Variants in KLHDC10 observed in about 807,000 individuals in gnomAD.
KLHDC10 encodes kelch domain-containing protein 10.
A neutral mutation model predicts 56.1 loss-of-function variants in KLHDC10; 24 were observed. The ratio of observed to expected loss-of-function variants is 0.43; its 90% confidence interval spans 0.31 to 0.60. KLHDC10 has a LOEUF of 0.60. Among genes scored for constraint, KLHDC10 ranks in the 20% least tolerant of loss-of-function variants. KLHDC10 has a pLI of 0.11. For synonymous variants in KLHDC10, 188 were observed against 207.1 expected, an observed-to-expected ratio of 0.91 and a Z score of 0.79; for missense variants, 349 against 567.0, an observed-to-expected ratio of 0.62 and a Z score of 3.91.
At chr7:130,071,911 C>T (rs920769877) in intron 1 of KLHDC10, among the ~76,000 whole-genome samples, 1 of 152,100 alleles carries the variant, frequency 6.6e-6, no homozygotes, top group Non-Finnish European at 1.5e-5. Flanking sequence ...GGGAATTTAG[C>T]ACATTTAATG....
chr7:130,129,861 C>T (rs1584642596), intron 9 of KLHDC10, among the ~76,000 whole-genome samples: 1 of 152,098 alleles, frequency 6.6e-6, no homozygotes, highest in African/African-American at 2.4e-5. Context: ...AATAGTTTTA[C>T]CCCCTTGATA....
At position 130,128,889 on chromosome 7, in the gene KLHDC10, A is replaced by AAAAAAAAAT; in HGVS notation, c.980-547_980-546insAAAAAAATA. ...ACCTTGTCTCTTAAAAAAAAAAAAA[A>AAAAAAAAAT]ATATATATATATATATATATATATA... On this transcript the variant is annotated intron_variant, in intron 8 of 9. Transcript: ENST00000335420. Among the ~76,000 whole-genome samples, 18 of 66,954 alleles carry AAAAAAAAAT rather than the reference A, an allele frequency of 2.7e-4. 1 individual carries two copies. Among genetic ancestry groups the AAAAAAAAAT allele is most frequent in the African/African-American group, 8.8e-4 (12 of 13,632 alleles). The allele number at this position is 66,954 out of a possible 152,430, so 43.9% of individuals were successfully genotyped here. A position where few individuals can be genotyped will look rare whatever the true frequency, so the allele number is the denominator to read the frequency against.
rs1796456974 is a variant in KLHDC10 at position 130,135,165 on chromosome 7, G to C, written c.*4419G>C. ...CTGCTTAGTCAGTGTACAGGGTGGA[G>C]TCAGAGGCAGTTTTCAGAAAAAAAC... On this transcript the variant is annotated 3_prime_UTR_variant, in exon 10 of 10. Coordinates refer to ENST00000335420, the MANE Select transcript of KLHDC10 (RefSeq NM_014997.4). 1 of 136,390 alleles carries C rather than the reference G, an allele frequency of 7.3e-6. No individual in the cohort carries two copies. Among genetic ancestry groups the C allele is most frequent in the Admixed American group, 7.5e-5 (1 of 13,340 alleles). The allele number at this position is 136,390 out of a possible 1,614,324, so 8.4% of individuals were successfully genotyped here.
At chr7:130,090,767 C>CGTGTGT (rs57061414) in intron 1 of KLHDC10, among the ~76,000 whole-genome samples, 24,858 of 148,058 alleles carry the variant, frequency 0.17, 2,254 homozygotes, top group East Asian at 0.34. Flanking sequence ...TACACATACT[C>CGTGTGT]GTGTGTGTGT....
At position 130,134,317 on chromosome 7, in the gene KLHDC10, T is replaced by C. The variant is rs1435121880; in HGVS notation, c.*3571T>C. On this transcript the variant is annotated 3_prime_UTR_variant, in exon 10 of 10. Transcript: ENST00000335420. ...ATTAGTCAGGCTGAACAATTAGAGT[T>C]GAATGCTGAAATTAGGAACCACAGG... The C allele has an allele frequency of 1.3e-5, 2 of 152,180 alleles. No homozygotes were observed. Among genetic ancestry groups the C allele is most frequent in the African/African-American group, 4.8e-5 (2 of 41,440 alleles). The allele number at this position is 152,180 out of a possible 1,614,324, so 9.4% of individuals were successfully genotyped here. A position where few individuals can be genotyped will look rare whatever the true frequency, so the allele number is the denominator to read the frequency against.
At chr7:130,115,374 T>C (rs7788741) in intron 2 of KLHDC10, among the ~76,000 whole-genome samples, 73,369 of 151,822 alleles carry the variant, frequency 0.48, 18,312 homozygotes, top group African/African-American at 0.6. Flanking sequence ...TAAAGTTTTT[T>C]GTTTTTTGTT....
At chr7:130,080,818 G>A (rs777923312) in intron 1 of KLHDC10, among the ~76,000 whole-genome samples, 13 of 152,052 alleles carry the variant, frequency 8.5e-5, no homozygotes, top group African/African-American at 2.7e-4. Context: ...TTATTTGTGC[G>A]AATTGACCAA....
chr7:130,072,114 G>T (rs530930036), intron 1 of KLHDC10, among the ~76,000 whole-genome samples: 1 of 152,206 alleles, frequency 6.6e-6, no homozygotes, highest in South Asian at 2.1e-4. Context: ...AAAGAAAAAA[G>T]GAGCAATCTT....
chr7:130,075,521 A>ATG, intron 1 of KLHDC10, among the ~76,000 whole-genome samples: 2 of 152,194 alleles, frequency 1.3e-5, no homozygotes, highest in Middle Eastern at 6.8e-3. Context: ...TTCCAGGTTC[A>ATG]GGGGGGACGG....
At chr7:130,114,546 T>A (rs1584634916) in intron 2 of KLHDC10, among the ~76,000 whole-genome samples, 1 of 152,152 alleles carries the variant, frequency 6.6e-6, no homozygotes, top group African/African-American at 2.4e-5. Flanking sequence ...AACTTAGACA[T>A]TTATAGGAGC....
chr7:130,077,036 C>T (rs751718661), intron 1 of KLHDC10, among the ~76,000 whole-genome samples: 1 of 152,064 alleles, frequency 6.6e-6, no homozygotes, highest in Non-Finnish European at 1.5e-5. Context: ...AAAACAGGGT[C>T]TATATTCATT....
chr7:130,124,367 T>C (rs1391134437), intron 5 of KLHDC10, 84 bp from the exon 6 acceptor site: 1 of 748,356 alleles, frequency 1.3e-6, no homozygotes, highest in East Asian at 2.6e-5. Flanking sequence ...TTATAAATAA[T>C]GATGTAATAA....
At chr7:130,086,990 A>G (rs1414425045) in intron 1 of KLHDC10, among the ~76,000 whole-genome samples, 1 of 152,246 alleles carries the variant, frequency 6.6e-6, no homozygotes, top group Non-Finnish European at 1.5e-5. Context: ...ACATTTACTT[A>G]TAACCCAGTA....
chr7:130,086,063 A>C (rs1368027015), intron 1 of KLHDC10, among the ~76,000 whole-genome samples: 1 of 152,148 alleles, frequency 6.6e-6, no homozygotes, highest in Non-Finnish European at 1.5e-5. Context: ...AATTTTTATT[A>C]GCCTGTATAT....
Position 130,132,338 on chromosome 7 carries a change from T to C in KLHDC10, c.*1592T>C, listed in dbSNP as rs1301659104. On this transcript the variant is annotated 3_prime_UTR_variant, in exon 10 of 10. Coordinates refer to ENST00000335420, the MANE Select transcript of KLHDC10 (RefSeq NM_014997.4). ...TTTGTCCTTCATCTCAGAAGGGATCTCTTTAGCTTATGTGTGGATTTAAAA... is the reference window on the plus strand; with the variant it reads ...TTTGTCCTTCATCTCAGAAGGGATCCCTTTAGCTTATGTGTGGATTTAAAA... The C allele has an allele frequency of 6.6e-6, 1 of 152,200 alleles. No individual in the cohort carries two copies. The highest frequency in any genetic ancestry group is 1.5e-5 in the Non-Finnish European group (1 of 68,044). 9.4% of individuals were successfully genotyped at this position (152,200 alleles called of 1,614,324 possible). A position where few individuals can be genotyped will look rare whatever the true frequency, so the allele number is the denominator to read the frequency against.
chr7:130,079,184 G>C (rs182415747), intron 1 of KLHDC10, among the ~76,000 whole-genome samples: 1 of 151,462 alleles, frequency 6.6e-6, no homozygotes, highest in African/African-American at 2.4e-5. Flanking sequence ...CAGCCTCCCG[G>C]GTAGCTGGGA....
In KLHDC10 at chr7:130,122,141, A is replaced by G. The variant is rs1387075520; in HGVS notation, c.718A>G (p.Asn240Asp). The G allele has an allele frequency of 9.3e-6, 15 of 1,610,198 alleles. No homozygotes were observed. The highest frequency in any genetic ancestry group is 1.1e-5 in the Non-Finnish European group (13 of 1,176,672). Reference sequence around the variant, plus strand: ...CACAGACCTGCACAAGTTAGATCTCAATACCAGAGAGTGGACACAACTGAA... The same window carrying G: ...CACAGACCTGCACAAGTTAGATCTCGATACCAGAGAGTGGACACAACTGAA... ...YSTDLHKLDLNTREWTQLKPN... is the reference protein window; with the variant it reads ...YSTDLHKLDLDTREWTQLKPN... The change falls in exon 5 of 10, where the codon AAT becomes GAT. Residue 240 changes from asparagine to aspartate, a missense_variant. Asn to Asp is a conservative substitution (Grantham distance 23). Around this residue, in one of 2 missense-constraint regions of KLHDC10, gnomAD observed 245 missense variants for 470.1 expected, o/e 0.52. Transcript: ENST00000335420.
chr7:130,121,638 T>G (rs79115573), intron 4 of KLHDC10, among the ~76,000 whole-genome samples: 52,752 of 152,082 alleles, frequency 0.35, 10,184 homozygotes, highest in East Asian at 0.43. Context: ...AACATCAGGT[T>G]CCTTGAACTG....
intron 6 of KLHDC10, among the ~76,000 whole-genome samples, chr7:130,125,074 G>A (rs952241527): frequency 6.6e-6 from 1 of 152,124 alleles, no homozygotes; most frequent in Non-Finnish European, 1.5e-5. Flanking sequence ...TTCAAGTTTT[G>A]TCAAAACTGA....
Sources: allele counts gnomAD v4.1 joint callset (sites outside exome capture counted in the v4.1 genomes callset), GRCh38; gene constraint gnomAD v4.1.1; regional missense constraint gnomAD v4.1.1; transcripts MANE v1.5; gene names NCBI Gene and HGNC (gene_info 2026-07-23, HGNC 2026-07-21).